MAJIN: variants seen among roughly 807,000 people sequenced by gnomAD.
MAJIN encodes membrane-anchored junction protein.
Under a neutral mutation model 30.2 loss-of-function variants are expected in MAJIN, and 27 were observed. The observed-to-expected ratio is 0.89, with a 90% CI of 0.66 to 1.23. The LOEUF is 1.23. Among genes scored for constraint, MAJIN ranks in the 50% most tolerant of loss-of-function variants. The probability of loss-of-function intolerance (pLI) is 0.00; values close to 1 mark genes in which losing one functional copy is unlikely to be tolerated. For missense variants in MAJIN, 253 were observed against 260.3 expected (o/e 0.97, Z 0.19); for synonymous variants, 78 against 91.6 (o/e 0.85, Z 0.85).
intron 1 of MAJIN, among the ~76,000 whole-genome samples, chr11:64,967,763 G>T (rs891592603): frequency 6.6e-6 from 1 of 152,276 alleles, no homozygotes; most frequent in South Asian, 2.1e-4. Context: ...ACTGTTCTGG[G>T]CACTAATATG....
intron 1 of MAJIN, 55 bp from the exon 2 acceptor site, chr11:64,960,190 A>C (rs564505802): frequency 6.6e-6 from 1 of 152,250 alleles, no homozygotes; most frequent in South Asian, 2.1e-4. Context: ...ATTAGAGGAG[A>C]TCCAGAGTTC....
chr11:64,955,982 C>G (rs1436372857), intron 3 of MAJIN, among the ~76,000 whole-genome samples: 1 of 152,130 alleles, frequency 6.6e-6, no homozygotes, highest in East Asian at 1.9e-4. Flanking sequence ...GCCTGGCCAA[C>G]GTGGTGAAAC....
At chr11:64,945,210 T>G (rs1390230884) in intron 8 of MAJIN, among the ~76,000 whole-genome samples, 1 of 151,652 alleles carries the variant, frequency 6.6e-6, no homozygotes, top group African/African-American at 2.4e-5. Context: ...TACAAAAAAT[T>G]AGCCAGGCGT....
rs1945319410 is a variant in MAJIN at position 64,938,432 on chromosome 11, G to A, written c.*143C>T. 2.2e-6 allele frequency: 3 copies of A among 1,373,630 alleles called. No individual in the cohort carries two copies. The highest frequency in any genetic ancestry group is 3.0e-6 in the Non-Finnish European group (3 of 1,000,484). 85.1% of individuals were successfully genotyped at this position (1,373,630 alleles called of 1,614,324 possible). On this transcript the variant is annotated 3_prime_UTR_variant, in exon 11 of 11. Coordinates refer to ENST00000301896, the MANE Select transcript of MAJIN (RefSeq NM_001037225.3). ...GGGGACCTCATTCCCCACGACTGAAGTGTCATAAGAAAAGGATAGAGTTGG... is the reference window on the plus strand; with the variant it reads ...GGGGACCTCATTCCCCACGACTGAAATGTCATAAGAAAAGGATAGAGTTGG...
chr11:64,946,251 C>T, intron 8 of MAJIN: 3 of 1,327,932 alleles, frequency 2.3e-6, no homozygotes, highest in Non-Finnish European at 3.0e-6. Context: ...AGCAGGTTGG[C>T]TATTGTTATA....
chr11:64,962,905 C>T (rs240566), intron 1 of MAJIN, among the ~76,000 whole-genome samples: 152,056 of 152,268 alleles, frequency 1, 75,923 homozygotes, highest in Middle Eastern at 1. Flanking sequence ...GGTGGGCAGA[C>T]CACCCGAGGT....
At chr11:64,949,459 TCTA>T (rs1945514973) in intron 6 of MAJIN, among the ~76,000 whole-genome samples, 1 of 152,266 alleles carries the variant, frequency 6.6e-6, no homozygotes, top group Admixed American at 6.5e-5. Flanking sequence ...GTACTTTTCA[TCTA>T]CTACTATTTA....
At chr11:64,959,124 C>G (rs1318633921) in intron 3 of MAJIN, among the ~76,000 whole-genome samples, 181 bp downstream of exon 3, 1 of 150,626 alleles carries the variant, frequency 6.6e-6, no homozygotes, top group East Asian at 1.9e-4. Context: ...AGTTGTCCCT[C>G]ATTTAGAAAC....
chr11:64,941,784 T>C (rs1340563343), intron 8 of MAJIN, among the ~76,000 whole-genome samples: 1 of 152,112 alleles, frequency 6.6e-6, no homozygotes. Context: ...GGAAGTGATA[T>C]TTGAATGGAG....
chr11:64,938,518 G>A lies in MAJIN; in HGVS notation c.*57C>T. 1 of 1,535,286 alleles carries A rather than the reference G, an allele frequency of 6.5e-7. No individual in the cohort carries two copies. The highest frequency in any genetic ancestry group is 8.7e-7 in the Non-Finnish European group (1 of 1,146,198). Reference sequence around the variant, plus strand: ...TGATCCTCTTTCCAGCGCTGCATTTGGAAGGCTCAAGAGTGGCTGCTCTTC... The same window carrying A: ...TGATCCTCTTTCCAGCGCTGCATTTAGAAGGCTCAAGAGTGGCTGCTCTTC... On this transcript the variant is annotated 3_prime_UTR_variant, in exon 11 of 11. Coordinates refer to ENST00000301896, the MANE Select transcript of MAJIN (RefSeq NM_001037225.3).
At chr11:64,940,164 A>C (rs1221723703) in intron 9 of MAJIN, among the ~76,000 whole-genome samples, 1 of 152,254 alleles carries the variant, frequency 6.6e-6, no homozygotes, top group African/African-American at 2.4e-5. Context: ...ATGCATTCCC[A>C]GCCCTTGCAA....
At chr11:64,950,821 C>T (rs1485996258) in intron 4 of MAJIN, among the ~76,000 whole-genome samples, 1 of 152,076 alleles carries the variant, frequency 6.6e-6, no homozygotes, top group South Asian at 2.1e-4. Context: ...GGCTCAAGTG[C>T]TCTGCCCTCC....
At chr11:64,942,259 T>C (rs971524485) in intron 8 of MAJIN, among the ~76,000 whole-genome samples, 1 of 152,088 alleles carries the variant, frequency 6.6e-6, no homozygotes, top group Non-Finnish European at 1.5e-5. Flanking sequence ...GTTCTGTGAA[T>C]TTTTTTCCCG....
Position 64,949,694 on chromosome 11 carries a change from GC to G in MAJIN, c.349+48del, listed in dbSNP as rs773952996. ...CCTTTCGCGATACCTAGCTGGCACAGCTAAACCATTTTCTTCTCTGCCATCC... is the reference window on the plus strand; with the variant it reads ...CCTTTCGCGATACCTAGCTGGCACAGTAAACCATTTTCTTCTCTGCCATCC... On this transcript the variant is annotated intron_variant, in intron 6 of 10. Transcript: ENST00000301896. 2.5e-6 allele frequency: 4 copies of G among 1,602,186 alleles called. No homozygotes were observed. The South Asian group carries it at 4.4e-5, about 18-fold the overall frequency.
chr11:64,964,633 C>T (rs941962926), intron 1 of MAJIN, among the ~76,000 whole-genome samples: 6 of 150,734 alleles, frequency 4.0e-5, no homozygotes, highest in Non-Finnish European at 8.8e-5. Context: ...CTCACTCTGT[C>T]ACCCATGCTG....
At position 64,950,556 on chromosome 11, in the gene MAJIN, C is replaced by T. The variant is rs188447322; in HGVS notation, c.148-126G>A. 140 of 767,122 alleles carry T rather than the reference C, an allele frequency of 1.8e-4. No individual in the cohort carries two copies. In the Admixed American group the frequency reaches 3.2e-3, roughly 18 times the overall value. 47.5% of individuals were successfully genotyped at this position (767,122 alleles called of 1,614,324 possible). ...TGAACTATTTGCTGTTCCTTTAACA[C>T]GTGTTCTGATTCTCCATTTCTTTTT... On this transcript the variant is annotated intron_variant, in intron 4 of 10. Coordinates refer to ENST00000301896, the MANE Select transcript of MAJIN (RefSeq NM_001037225.3).
At chr11:64,958,363 T>C (rs1468109367) in intron 3 of MAJIN, among the ~76,000 whole-genome samples, 3 of 151,976 alleles carry the variant, frequency 2.0e-5, no homozygotes, top group East Asian at 3.9e-4. Context: ...TGCCTGGAAT[T>C]CCAACACTTT....
At chr11:64,959,091 T>C (rs1237331157) in intron 3 of MAJIN, among the ~76,000 whole-genome samples, 1 of 143,932 alleles carries the variant, frequency 6.9e-6, no homozygotes, top group Non-Finnish European at 1.5e-5. Flanking sequence ...TCTGCTTCTC[T>C]TCAAAAAAAA....
intron 3 of MAJIN, 96 bp downstream of exon 3, chr11:64,959,209 T>C: frequency 1.1e-6 from 1 of 882,880 alleles, no homozygotes; most frequent in Non-Finnish European, 1.8e-6. Flanking sequence ...TTTACCAGTC[T>C]CCTGAACTGG....
Sources: gnomAD v4.1 joint callset for allele counts (sites outside exome capture counted in the v4.1 genomes callset) on GRCh38, gnomAD v4.1.1 for gene constraint, MANE v1.5 for transcripts, NCBI Gene and HGNC (gene_info 2026-07-23, HGNC 2026-07-21) for gene names.